SPOCK3: variants seen among roughly 807,000 people sequenced by gnomAD.
SPOCK3 encodes testican-3.
SPOCK3 carries 30 observed loss-of-function variants against 56.6 expected under a neutral mutation model. That is an observed-to-expected ratio of 0.53 (90% confidence interval 0.40 to 0.72). SPOCK3 has a LOEUF of 0.72. Ranked by LOEUF, SPOCK3 falls within the 30% of genes least tolerant of loss-of-function variation. SPOCK3 has a pLI of 0.00. For missense variants in SPOCK3, 527 were observed against 530.0 expected, an observed-to-expected ratio of 0.99 and a Z score of 0.06; for synonymous variants, 196 against 183.3, an observed-to-expected ratio of 1.07 and a Z score of -0.56.
chr4:167,013,969 A>G (rs1159701679), intron 3 of SPOCK3, among the ~76,000 whole-genome samples: 1 of 152,182 alleles, frequency 6.6e-6, no homozygotes, highest in East Asian at 1.9e-4. Flanking sequence ...TTGAGTTGAA[A>G]AGATGTGTAT....
At chr4:167,210,403 C>A (rs1284573252) in intron 2 of SPOCK3, among the ~76,000 whole-genome samples, 1 of 152,126 alleles carries the variant, frequency 6.6e-6, no homozygotes, top group East Asian at 1.9e-4. Flanking sequence ...AATCATTATT[C>A]AACATGTCAA....
At chr4:167,002,433 C>T (rs530570616) in intron 3 of SPOCK3, among the ~76,000 whole-genome samples, 19 of 151,932 alleles carry the variant, frequency 1.3e-4, no homozygotes, top group Non-Finnish European at 2.6e-4. Flanking sequence ...AACTAACAGA[C>T]ATTTTATATT....
chr4:166,894,920 T>A (rs1165003410), intron 5 of SPOCK3, among the ~76,000 whole-genome samples: 1 of 152,196 alleles, frequency 6.6e-6, no homozygotes, highest in East Asian at 1.9e-4. Flanking sequence ...CACAATAGCC[T>A]GCAGTGGAAT....
intron 2 of SPOCK3, among the ~76,000 whole-genome samples, chr4:167,158,241 A>G (rs936999670): frequency 6.6e-6 from 1 of 152,018 alleles, no homozygotes; most frequent in Non-Finnish European, 1.5e-5. Context: ...AATAGGATAT[A>G]CACTATAGTC....
chr4:166,793,701 G>T (rs1195204836), intron 6 of SPOCK3, among the ~76,000 whole-genome samples: 1 of 152,094 alleles, frequency 6.6e-6, no homozygotes, highest in Non-Finnish European at 1.5e-5. Flanking sequence ...CTTCCATGGG[G>T]GAAGGTAACT....
intron 2 of SPOCK3, among the ~76,000 whole-genome samples, chr4:167,145,229 C>T (rs1283181468): frequency 2.0e-5 from 3 of 152,088 alleles, no homozygotes; most frequent in East Asian, 1.9e-4. Flanking sequence ...AAGAGGATTG[C>T]CATTTACTGA....
intron 3 of SPOCK3, among the ~76,000 whole-genome samples, chr4:167,023,326 G>T (rs1369553175): frequency 6.6e-6 from 1 of 151,870 alleles, no homozygotes; most frequent in Admixed American, 6.6e-5. Context: ...GGTAGCCAGA[G>T]GATTCACCTG....
chr4:166,840,239 G>A (rs1747095126), intron 6 of SPOCK3, among the ~76,000 whole-genome samples: 2 of 152,002 alleles, frequency 1.3e-5, no homozygotes, highest in African/African-American at 4.8e-5. Context: ...GAAAATTCCA[G>A]CTCCCTACAC....
intron 2 of SPOCK3, among the ~76,000 whole-genome samples, chr4:167,170,032 CT>C (rs1357972056): frequency 6.6e-6 from 1 of 152,150 alleles, no homozygotes; most frequent in Non-Finnish European, 1.5e-5. Context: ...AAACCTCTTT[CT>C]TTTATACATT....
intron 6 of SPOCK3, among the ~76,000 whole-genome samples, chr4:166,830,527 T>C (rs1745924036): frequency 1.3e-5 from 2 of 152,142 alleles, no homozygotes; most frequent in Admixed American, 1.3e-4. Context: ...AGAGGATCTC[T>C]TGAGGCCAGG....
At chr4:167,001,535 A>G (rs1748954083) in intron 3 of SPOCK3, among the ~76,000 whole-genome samples, 1 of 152,212 alleles carries the variant, frequency 6.6e-6, no homozygotes, top group Non-Finnish European at 1.5e-5. Context: ...ACTAGTAGAT[A>G]TGAATTTTGG....
intron 7 of SPOCK3, among the ~76,000 whole-genome samples, chr4:166,780,709 A>G (rs1313502290): frequency 6.6e-6 from 1 of 152,180 alleles, no homozygotes; most frequent in Non-Finnish European, 1.5e-5. Flanking sequence ...GATTTCTGAG[A>G]AAGTCCTACC....
In SPOCK3 at chr4:166,980,519, G is replaced by A. The variant is rs556680998; in HGVS notation, c.350+19830C>T. On this transcript the variant is annotated intron_variant, in intron 4 of 10. Transcript: ENST00000357545. ...TGGGCTCATTCCACCCACTCAGCCT[G>A]GCAGGCTGTGCTTGGCTCATGCTAG... Among the ~76,000 whole-genome samples, 129 of 152,294 alleles carry A rather than the reference G, an allele frequency of 8.5e-4. 1 individual carries two copies. The highest frequency in any genetic ancestry group is 1.4e-3 in the Non-Finnish European group (98 of 68,030).
intron 2 of SPOCK3, among the ~76,000 whole-genome samples, chr4:167,145,203 T>A (rs141732523): frequency 6.6e-6 from 1 of 152,118 alleles, no homozygotes; most frequent in African/African-American, 2.4e-5. Context: ...TTTGTTTCAT[T>A]TGAATAAAGT....
Position 167,032,184 on chromosome 4 carries a change from T to C in SPOCK3, c.235+30308A>G, listed in dbSNP as rs575585175. On this transcript the variant is annotated intron_variant, in intron 3 of 10. Coordinates refer to ENST00000357545, the MANE Select transcript of SPOCK3 (RefSeq NM_001040159.2). ...AAGATTTTAGGGCAGGATTTTGTTT[T>C]TGAGAGAGGGGTAGTATATGAAGCA... Among the ~76,000 whole-genome samples, 31 of 152,064 alleles carry C rather than the reference T, an allele frequency of 2.0e-4. No individual in the cohort carries two copies. The South Asian group carries it at 5.8e-3, about 28-fold the overall frequency.
chr4:166,882,497 C>T (rs1579526099), intron 6 of SPOCK3, among the ~76,000 whole-genome samples: 1 of 152,240 alleles, frequency 6.6e-6, no homozygotes, highest in East Asian at 1.9e-4. Context: ...AGTGCTTATA[C>T]TGCATTTTGT....
At chr4:167,135,680 C>CGTGTGTGTGTGTGT (rs57918767) in intron 2 of SPOCK3, among the ~76,000 whole-genome samples, 11 of 147,772 alleles carry the variant, frequency 7.4e-5, no homozygotes, top group East Asian at 6.1e-4. Flanking sequence ...CTATATAAAA[C>CGTGTGTGTGTGTGT]GTGTGTGTGT....
At chr4:167,051,928 C>G (rs1158667941) in intron 3 of SPOCK3, among the ~76,000 whole-genome samples, 1 of 152,136 alleles carries the variant, frequency 6.6e-6, no homozygotes, top group Admixed American at 6.5e-5. Flanking sequence ...TAACTTCCTG[C>G]TCTATATATT....
intron 2 of SPOCK3, among the ~76,000 whole-genome samples, chr4:167,145,861 A>G (rs1215722099): frequency 6.6e-6 from 1 of 152,174 alleles, no homozygotes; most frequent in East Asian, 1.9e-4. Flanking sequence ...AAAACATACC[A>G]AATTATAAAG....
Sources: gnomAD v4.1 joint callset for allele counts (sites outside exome capture counted in the v4.1 genomes callset) on GRCh38, gnomAD v4.1.1 for gene constraint, MANE v1.5 for transcripts, NCBI Gene and HGNC (gene_info 2026-07-23, HGNC 2026-07-21) for gene names.